PCDH11X: variants seen among roughly 807,000 people sequenced by gnomAD.
PCDH11X encodes the protein protocadherin 11 X-linked.
In PCDH11X, 18 loss-of-function variants were observed where a neutral mutation model predicts 53.3. That is an observed-to-expected ratio of 0.34 (90% CI 0.23 to 0.50). The LOEUF (loss-of-function observed/expected upper bound fraction) is 0.50, where lower values mean the gene tolerates loss of function less well. Among genes scored for constraint, PCDH11X ranks in the 20% least tolerant of loss-of-function variants. PCDH11X has a pLI of 0.98. For synonymous variants in PCDH11X, 279 were observed against 393.3 expected (o/e 0.71, Z 3.44); for missense variants, 570 against 1,032.4 (o/e 0.55, Z 6.14).
At chrX:91,995,374 G>A (rs899364627) in intron 6 of PCDH11X, among the ~76,000 whole-genome samples, 4 of 111,282 alleles carry the variant, frequency 3.6e-5, no homozygotes, top group Non-Finnish European at 7.5e-5. Flanking sequence ...TGTAAGATAA[G>A]AGTCTATGTT....
At chrX:92,316,534 A>G (rs2069080791) in intron 8 of PCDH11X, among the ~76,000 whole-genome samples, 2 of 111,963 alleles carry the variant, frequency 1.8e-5, no homozygotes, top group Admixed American at 1.9e-4. Context: ...GTGATTATTT[A>G]TCCAATAATT....
At chrX:92,389,987 C>T in intron 9 of PCDH11X, among the ~76,000 whole-genome samples, 1 of 109,872 alleles carries the variant, frequency 9.1e-6, no homozygotes, top group Non-Finnish European at 1.9e-5. Flanking sequence ...ACTTTAGTTG[C>T]TCAATCGATT....
chrX:92,462,350 A>G (rs1047854854), intron 9 of PCDH11X, among the ~76,000 whole-genome samples: 11 of 110,924 alleles, frequency 9.9e-5, no homozygotes, highest in African/African-American at 3.6e-4. Flanking sequence ...CTGCATTAAA[A>G]TCATGCAAAG....
rs1371222178 is a variant in PCDH11X, at chrX:91,822,401, G to C, written c.-45+11106G>C. Among the ~76,000 whole-genome samples the C allele has an allele frequency of 2.8e-5, 3 of 108,883 alleles. No homozygotes were observed. The South Asian group carries it at 1.2e-3, about 44-fold the overall frequency. 94.6% of individuals were successfully genotyped at this position (108,883 alleles called of 115,157 possible). On this transcript the variant is annotated intron_variant, in intron 4 of 10. Transcript: ENST00000682573. ...TTCAACTTCTTCCTGGTTTAGTCTT[G>C]GGAGAGTGTATGTGTCAAGGAATTT...
At chrX:92,157,300 T>C (rs2065554298) in intron 6 of PCDH11X, among the ~76,000 whole-genome samples, 7 of 111,623 alleles carry the variant, frequency 6.3e-5, no homozygotes, top group African/African-American at 1.6e-4. Context: ...TATCTTCTAC[T>C]ATTCCTCTGG....
In PCDH11X at chrX:92,177,049, C is replaced by G. The variant is rs186047288; in HGVS notation, c.3034-24326C>G. Reference sequence around the variant, plus strand: ...AGAGTGCAGTGGGGCAATCTCGGCTCACTGCAACCTCTGCCTCCCGGGTTC... The same window carrying G: ...AGAGTGCAGTGGGGCAATCTCGGCTGACTGCAACCTCTGCCTCCCGGGTTC... On this transcript the variant is annotated intron_variant, in intron 6 of 10. Coordinates refer to ENST00000682573, the MANE Select transcript of PCDH11X (RefSeq NM_032968.5). 2.4e-3 allele frequency among the ~76,000 whole-genome samples: 257 copies of G among 106,045 alleles called. 1 individual carries two copies. The highest frequency in any genetic ancestry group is 8.7e-3 in the African/African-American group (252 of 28,847). 92.1% of individuals were successfully genotyped at this position (106,045 alleles called of 115,157 possible).
At position 91,885,795 on chromosome X, in the gene PCDH11X, T is replaced by C. The variant is rs770764023; in HGVS notation, c.3033+6522T>C. On this transcript the variant is annotated intron_variant, in intron 6 of 10. Transcript: ENST00000682573. ...TTATGAGTGCTGTATTTGAAGAAGA[T>C]TAAAATAGAAACTTTATTTTTAAAG... 6.2e-4 allele frequency among the ~76,000 whole-genome samples: 70 copies of C among 112,027 alleles called. No homozygotes were observed. In the Admixed American group the frequency reaches 6.4e-3, roughly 10 times the overall value.
intron 10 of PCDH11X, among the ~76,000 whole-genome samples, chrX:92,558,098 C>T (rs1392884492): frequency 2.7e-5 from 3 of 111,032 alleles, no homozygotes; most frequent in African/African-American, 9.8e-5. Flanking sequence ...TCTCCCACAG[C>T]ATATGGAGAT....
chrX:92,087,106 T>G (rs1351855078), intron 6 of PCDH11X, among the ~76,000 whole-genome samples: 4 of 109,590 alleles, frequency 3.6e-5, no homozygotes, highest in African/African-American at 1.3e-4. Context: ...ATTTGTTTAT[T>G]TTTTTGAGAC....
Position 92,239,240 on chromosome X carries a change from A to G in PCDH11X, c.3115-23874A>G, listed in dbSNP as rs1036472878. The stretch of plus-strand genomic sequence containing the variant: ...TAATATGTAATTTGTTACCATAAAT[A>G]TATTCCATTTATCACTGATATTTGG... On this transcript the variant is annotated intron_variant, in intron 7 of 10. Coordinates refer to ENST00000682573, the MANE Select transcript of PCDH11X (RefSeq NM_032968.5). 2.2e-4 allele frequency among the ~76,000 whole-genome samples: 25 copies of G among 111,751 alleles called. 1 individual carries two copies. Among genetic ancestry groups the G allele is most frequent in the African/African-American group, 6.2e-4 (19 of 30,880 alleles).
chrX:91,868,244 A>G (rs1199278547), intron 5 of PCDH11X, among the ~76,000 whole-genome samples: 3 of 112,122 alleles, frequency 2.7e-5, no homozygotes, highest in Non-Finnish European at 5.6e-5. Flanking sequence ...GATACGAACT[A>G]TTCTTACAAT....
At chrX:92,484,177 G>A (rs866218088) in intron 10 of PCDH11X, among the ~76,000 whole-genome samples, 1 of 40,145 alleles carries the variant, frequency 2.5e-5, no homozygotes, top group Non-Finnish European at 4.6e-5. Context: ...GTATATATAT[G>A]TATGTATATA....
In PCDH11X at chrX:92,556,492, C is replaced by T. The variant is rs576631188; in HGVS notation, c.3368-61772C>T. ...GAACCTATGCAAGTACAAAACCCAA[C>T]AGAGAAGTCAATAAATCTTAACACT... On this transcript the variant is annotated intron_variant, in intron 10 of 10. Transcript: ENST00000682573. Among the ~76,000 whole-genome samples the T allele has an allele frequency of 2.7e-5, 3 of 111,670 alleles. No individual in the cohort carries two copies. In the South Asian group the frequency reaches 1.1e-3, roughly 42 times the overall value.
intron 9 of PCDH11X, among the ~76,000 whole-genome samples, chrX:92,408,652 G>C (rs2071577054): frequency 9.0e-6 from 1 of 110,558 alleles, no homozygotes; most frequent in Non-Finnish European, 1.9e-5. Context: ...GATCGATCTC[G>C]GCTCACTGCA....
At chrX:91,995,939 T>C (rs1455844349) in intron 6 of PCDH11X, among the ~76,000 whole-genome samples, 1 of 103,486 alleles carries the variant, frequency 9.7e-6, no homozygotes, top group Non-Finnish European at 2.0e-5. Context: ...AAGCTCCACC[T>C]CCCAGGTCCA....
At chrX:92,184,348 G>C (rs2066053292) in intron 6 of PCDH11X, among the ~76,000 whole-genome samples, 1 of 112,038 alleles carries the variant, frequency 8.9e-6, no homozygotes, top group Admixed American at 9.5e-5. Context: ...CAATAAAATG[G>C]AAAGACATCT....
intron 8 of PCDH11X, among the ~76,000 whole-genome samples, chrX:92,334,533 T>C (rs987910220): frequency 4.5e-5 from 5 of 111,624 alleles, no homozygotes; most frequent in Non-Finnish European, 9.4e-5. Context: ...TCATCATGTT[T>C]AGTGCAATAC....
At chrX:92,274,031 A>T (rs1333551665) in intron 8 of PCDH11X, among the ~76,000 whole-genome samples, 59 of 107,059 alleles carry the variant, frequency 5.5e-4, no homozygotes, top group Non-Finnish European at 1.0e-3. Flanking sequence ...AGTAGCTGAG[A>T]ATGGTGAATA....
chrX:91,823,600 C>T (rs1050760432), intron 4 of PCDH11X, among the ~76,000 whole-genome samples: 3 of 111,528 alleles, frequency 2.7e-5, no homozygotes, highest in African/African-American at 9.8e-5. Context: ...CTGAATACAG[C>T]ACACTGATGG....
Sources: allele counts gnomAD v4.1 joint callset (sites outside exome capture counted in the v4.1 genomes callset), GRCh38; gene constraint gnomAD v4.1.1; transcripts MANE v1.5; gene names NCBI Gene and HGNC (gene_info 2026-07-23, HGNC 2026-07-21).